Variants in PID1 observed in about 807,000 individuals in gnomAD.
PID1 encodes phosphotyrosine interaction domain containing 1, also known as PTB-containing, cubilin and LRP1-interacting protein.
PID1 carries 10 observed loss-of-function variants against 19.1 expected under a neutral mutation model. The observed-to-expected ratio is 0.52, with a 90% CI of 0.32 to 0.89. PID1 has a LOEUF of 0.89. Among genes scored for constraint, PID1 ranks in the 40% least tolerant of loss-of-function variants. The pLI, the probability that PID1 is intolerant of heterozygous loss-of-function variation, is 0.03. For synonymous variants in PID1, 130 were observed against 116.0 expected, an observed-to-expected ratio of 1.12 and a Z score of -0.78; for missense variants, 248 against 285.3, an observed-to-expected ratio of 0.87 and a Z score of 0.94.
rs189692478 is a variant in PID1 at position 229,218,528 on chromosome 2, C to G, written c.30+52486G>C. On this transcript the variant is annotated intron_variant, in intron 1 of 2. Coordinates refer to ENST00000392055, the MANE Select transcript of PID1 (RefSeq NM_001100818.2). ...GCACAAGGCAGGATAGAGGCCAAAA[C>G]CAGGGTCAGCAATTACCTGGAGGAT... Among the ~76,000 whole-genome samples the G allele has an allele frequency of 2.0e-3, 304 of 152,202 alleles. 4 individuals are homozygous for G. The South Asian group carries it at 0.027, about 14-fold the overall frequency.
intron 2 of PID1, among the ~76,000 whole-genome samples, chr2:229,044,976 T>C (rs566718440): frequency 1.8e-4 from 28 of 152,274 alleles, no homozygotes; most frequent in African/African-American, 6.3e-4. Flanking sequence ...TTTTTTTAGA[T>C]GGAGTCTCAC....
At chr2:229,204,163 G>C (rs1244985695) in intron 1 of PID1, among the ~76,000 whole-genome samples, 1 of 152,094 alleles carries the variant, frequency 6.6e-6, no homozygotes, top group Non-Finnish European at 1.5e-5. Context: ...AATGGCAAGA[G>C]GAGGTCAAGT....
chr2:229,190,403 T>C (rs1175622394), intron 1 of PID1, among the ~76,000 whole-genome samples: 1 of 152,174 alleles, frequency 6.6e-6, no homozygotes, highest in Non-Finnish European at 1.5e-5. Flanking sequence ...ATGGAATTCC[T>C]GGCATTTGGC....
chr2:229,240,797 G>A (rs1689847757), intron 1 of PID1, among the ~76,000 whole-genome samples: 1 of 152,154 alleles, frequency 6.6e-6, no homozygotes. Context: ...TTAAAATATT[G>A]TTTCATGTGC....
At chr2:229,061,479 G>C (rs1349399312) in intron 2 of PID1, among the ~76,000 whole-genome samples, 1 of 151,822 alleles carries the variant, frequency 6.6e-6, no homozygotes, top group Non-Finnish European at 1.5e-5. Flanking sequence ...CTCTTTTTAT[G>C]CTGGTACCAT....
chr2:229,145,155 G>A (rs925910343), intron 2 of PID1, among the ~76,000 whole-genome samples: 2 of 119,942 alleles, frequency 1.7e-5, no homozygotes, highest in Non-Finnish European at 1.7e-5. Flanking sequence ...ATATGTATGT[G>A]TATATATATA....
intron 1 of PID1, among the ~76,000 whole-genome samples, chr2:229,175,967 C>T (rs1690813216): frequency 6.6e-6 from 1 of 152,202 alleles, no homozygotes; most frequent in Non-Finnish European, 1.5e-5. Context: ...CTCCCATAAT[C>T]TGCCTCAAGT....
intron 2 of PID1, among the ~76,000 whole-genome samples, chr2:229,113,008 G>T (rs149934046): frequency 2.0e-5 from 3 of 152,060 alleles, no homozygotes; most frequent in Non-Finnish European, 4.4e-5. Flanking sequence ...ATTCAGTAAC[G>T]TATGCTAATA....
chr2:229,166,756 AGAT>A (rs1690605707), intron 1 of PID1, among the ~76,000 whole-genome samples: 1 of 152,164 alleles, frequency 6.6e-6, no homozygotes, highest in Non-Finnish European at 1.5e-5. Context: ...GAAAAGCAAA[AGAT>A]GATCCCAGGG....
At chr2:229,216,479 T>G (rs1691848879) in intron 1 of PID1, among the ~76,000 whole-genome samples, 1 of 152,136 alleles carries the variant, frequency 6.6e-6, no homozygotes, top group African/African-American at 2.4e-5. Context: ...ACCACCATGA[T>G]GACCAGCAGC....
At chr2:229,130,183 C>A (rs1414864423) in intron 2 of PID1, among the ~76,000 whole-genome samples, 2 of 152,198 alleles carry the variant, frequency 1.3e-5, no homozygotes, top group East Asian at 3.9e-4. Context: ...CTTTGACTAA[C>A]TCTCTGTGTC....
chr2:229,270,985 C>G, intron 1 of PID1, 29 bp downstream of exon 1: 2 of 1,382,580 alleles, frequency 1.4e-6, no homozygotes, highest in Non-Finnish European at 9.3e-7. Context: ...CTCCTCCAGG[C>G]TGGCCCCCGG....
At chr2:229,117,544 G>A (rs1169094158) in intron 2 of PID1, among the ~76,000 whole-genome samples, 1 of 152,130 alleles carries the variant, frequency 6.6e-6, no homozygotes, top group African/African-American at 2.4e-5. Context: ...GCTCCTGTCT[G>A]CTTAGAAAGA....
At chr2:229,064,033 A>C (rs1694269778) in intron 2 of PID1, among the ~76,000 whole-genome samples, 1 of 152,114 alleles carries the variant, frequency 6.6e-6, no homozygotes, top group South Asian at 2.1e-4. Flanking sequence ...AAAGAACTGA[A>C]AAGGGTGAGA....
intron 2 of PID1, among the ~76,000 whole-genome samples, chr2:229,148,238 C>T (rs1336995996): frequency 1.3e-5 from 2 of 152,156 alleles, no homozygotes; most frequent in Non-Finnish European, 2.9e-5. Flanking sequence ...GTATAGAATT[C>T]GAAGTTGTAA....
intron 1 of PID1, among the ~76,000 whole-genome samples, chr2:229,162,177 G>A (rs1234378780): frequency 6.6e-6 from 1 of 152,234 alleles, no homozygotes; most frequent in African/African-American, 2.4e-5. Context: ...GGTGTTTTAT[G>A]TGTGATCCCA....
intron 2 of PID1, among the ~76,000 whole-genome samples, chr2:229,122,621 G>C (rs1157040071): frequency 6.6e-6 from 1 of 152,184 alleles, no homozygotes; most frequent in Non-Finnish European, 1.5e-5. Context: ...CATTGTTCAA[G>C]CAGGTAGCCA....
At position 229,206,917 on chromosome 2, in the gene PID1, G is replaced by C. The variant is rs139569313; in HGVS notation, c.31-50953C>G. Among the ~76,000 whole-genome samples, 370 of 152,256 alleles carry C rather than the reference G, an allele frequency of 2.4e-3. 3 individuals are homozygous for C. Among genetic ancestry groups the C allele is most frequent in the African/African-American group, 8.3e-3 (343 of 41,546 alleles). Reference sequence around the variant, plus strand: ...TTAGAATGCAGATTCTGGGTCAGTAGGTCTGGGGTGACGCTTAATAGCTTA... The same window carrying C: ...TTAGAATGCAGATTCTGGGTCAGTACGTCTGGGGTGACGCTTAATAGCTTA... On this transcript the variant is annotated intron_variant, in intron 1 of 2. Transcript: ENST00000392055.
chr2:229,205,953 T>C (rs891284775), intron 1 of PID1, among the ~76,000 whole-genome samples: 18 of 152,286 alleles, frequency 1.2e-4, no homozygotes, highest in African/African-American at 4.1e-4. Flanking sequence ...TGTTGTTTCG[T>C]AGAACCCATC....
Sources: allele counts gnomAD v4.1 joint callset (sites outside exome capture counted in the v4.1 genomes callset), GRCh38; gene constraint gnomAD v4.1.1; transcripts MANE v1.5; gene names NCBI Gene and HGNC (gene_info 2026-07-23, HGNC 2026-07-21).